Variants in TCERG1L observed in about 807,000 individuals in gnomAD.
The protein encoded by TCERG1L is transcription elongation regulator 1 like.
In TCERG1L, 37 loss-of-function variants were observed where a neutral mutation model predicts 56.3. The ratio of observed to expected loss-of-function variants is 0.66; its 90% CI spans 0.51 to 0.87. The LOEUF (loss-of-function observed/expected upper bound fraction) is 0.87, where lower values mean the gene tolerates loss of function less well. Among genes scored for constraint, TCERG1L ranks in the 40% least tolerant of loss-of-function variants. The probability of loss-of-function intolerance (pLI) is 0.00; values close to 1 mark genes in which losing one functional copy is unlikely to be tolerated. For missense variants in TCERG1L, 799 were observed against 774.2 expected (o/e 1.03, Z -0.38); for synonymous variants, 324 against 326.3 (o/e 0.99, Z 0.08).
chr10:131,108,138 G>C (rs1270507190), intron 9 of TCERG1L, among the ~76,000 whole-genome samples: 3 of 152,158 alleles, frequency 2.0e-5, no homozygotes, highest in Admixed American at 1.3e-4. Flanking sequence ...GACAAAACCG[G>C]CTCTCCCTGT....
chr10:131,245,200 G>A (rs528849737), intron 4 of TCERG1L, among the ~76,000 whole-genome samples: 28 of 152,180 alleles, frequency 1.8e-4, no homozygotes, highest in Non-Finnish European at 3.4e-4. Flanking sequence ...AGGGCACTGT[G>A]ACCCCAACAC....
Position 131,146,506 on chromosome 10 carries a change from T to C in TCERG1L, c.1189A>G (p.Thr397Ala), listed in dbSNP as rs114685046. ...PHKRKLEAPA[T>A]DNSDGSSSED... ...TGTAAATAACCCAGGGCTTAGTTAC[T>C]TGCTGGTGCCTCCAGCTTGCGTTTG... Residue 397 changes from threonine (T) to alanine (A), a missense_variant and splice_region_variant, in exon 7 of 12, where the codon ACT becomes GCT. Transcript: ENST00000368642. 7.9e-5 allele frequency: 127 copies of C among 1,608,052 alleles called. No homozygotes were observed. The highest frequency in any genetic ancestry group is 7.4e-4 in the African/African-American group (55 of 74,818).
At chr10:131,207,812 G>C (rs1318777144) in intron 4 of TCERG1L, among the ~76,000 whole-genome samples, 3 of 152,148 alleles carry the variant, frequency 2.0e-5, no homozygotes, top group Non-Finnish European at 4.4e-5. Context: ...ATACCGAGCG[G>C]GTGGTCCCTG....
intron 9 of TCERG1L, 60 bp from the exon 10 acceptor site, chr10:131,104,414 C>A: frequency 9.0e-7 from 1 of 1,109,056 alleles, no homozygotes; most frequent in Non-Finnish European, 1.3e-6. Context: ...TGAAGCCGCC[C>A]TGAAATGATC....
At position 131,291,310 on chromosome 10, in the gene TCERG1L, C is replaced by A. The variant is rs983967060; in HGVS notation, c.670+16901G>T. On this transcript the variant is annotated intron_variant, in intron 3 of 11. Coordinates refer to ENST00000368642, the MANE Select transcript of TCERG1L (RefSeq NM_174937.4). ...AGAATAATTTTAATCCCATATATTTCATATATATCTGTCTGGGATCCTATA... is the reference window on the plus strand; with the variant it reads ...AGAATAATTTTAATCCCATATATTTAATATATATCTGTCTGGGATCCTATA... Among the ~76,000 whole-genome samples the A allele has an allele frequency of 2.1e-5, 3 of 140,496 alleles. No individual in the cohort carries two copies. The Admixed American group carries it at 2.2e-4, about 10-fold the overall frequency. The allele number at this position is 140,496 out of a possible 152,430, so 92.2% of individuals were successfully genotyped here. A position where few individuals can be genotyped will look rare whatever the true frequency, so the allele number is the denominator to read the frequency against.
At chr10:131,139,688 G>A (rs1009699346) in intron 7 of TCERG1L, among the ~76,000 whole-genome samples, 6 of 111,002 alleles carry the variant, frequency 5.4e-5, no homozygotes, top group Admixed American at 2.5e-4. Context: ...GTGTGTGTGT[G>A]TCTGTGTGTG....
At chr10:131,134,720 G>A (rs905071329) in intron 7 of TCERG1L, among the ~76,000 whole-genome samples, 2 of 152,184 alleles carry the variant, frequency 1.3e-5, no homozygotes, top group Non-Finnish European at 2.9e-5. Context: ...GGGCTGGGGG[G>A]TGGAGAATTA....
chr10:131,227,829 G>A (rs1442946067), intron 4 of TCERG1L, among the ~76,000 whole-genome samples: 1 of 142,040 alleles, frequency 7.0e-6, no homozygotes, highest in Non-Finnish European at 1.5e-5. Flanking sequence ...AAACAGGAAA[G>A]GGAACCCCTT....
At chr10:131,255,386 C>T (rs2944505) in intron 4 of TCERG1L, among the ~76,000 whole-genome samples, 33,879 of 152,152 alleles carry the variant, frequency 0.22, 5,076 homozygotes, top group African/African-American at 0.43. Flanking sequence ...AAGTATGCAA[C>T]ATATTGTCTA....
rs566831194 is a variant in TCERG1L, at chr10:131,296,910, T to C, written c.670+11301A>G. 3.3e-5 allele frequency among the ~76,000 whole-genome samples: 5 copies of C among 152,350 alleles called. No homozygotes were observed. The East Asian group carries it at 9.6e-4, about 29-fold the overall frequency. On this transcript the variant is annotated intron_variant, in intron 3 of 11. Transcript: ENST00000368642. The stretch of plus-strand genomic sequence containing the variant: ...TTGTTTATTACCAGTAATACAGGGG[T>C]ACAATTGAATTTTGTACATTGACCT...
At position 131,260,319 on chromosome 10, in the gene TCERG1L, G is replaced by A. The variant is rs750351933; in HGVS notation, c.796C>T (p.Pro266Ser). 6.9e-7 allele frequency: 1 copy of A among 1,455,914 alleles called. No homozygotes were observed. Among genetic ancestry groups the A allele is most frequent in the Non-Finnish European group, 9.0e-7 (1 of 1,106,454 alleles). 90.2% of individuals were successfully genotyped at this position (1,455,914 alleles called of 1,614,324 possible). The stretch of plus-strand genomic sequence containing the variant: ...GGTGCCAAGGTCAGGAAGTGGCGCG[G>A]CTGCACGCTGGAGGGGGACGGGCCC... ...LRGPSPSSVQ[P>S]RHFLTLAPIK... The change falls in exon 4 of 12, where the codon CCG (proline) becomes TCG (serine). Residue 266 changes from proline (P) to serine (S), a missense_variant. Pro to Ser is a moderately conservative substitution (Grantham distance 74, BLOSUM62 -1). Coordinates refer to ENST00000368642, the MANE Select transcript of TCERG1L (RefSeq NM_174937.4). This position sits in a 1 kb window ranked among gnomAD's most constrained non-coding sequence, Gnocchi z 5.8.
intron 4 of TCERG1L, among the ~76,000 whole-genome samples, chr10:131,189,225 T>C (rs1368631575): frequency 6.6e-6 from 1 of 152,244 alleles, no homozygotes; most frequent in Non-Finnish European, 1.5e-5. Flanking sequence ...TGCAATTTTA[T>C]GACATGCATA....
intron 10 of TCERG1L, 26 bp from the exon 11 acceptor site, chr10:131,098,450 ACAT>A (rs1178024285): frequency 6.5e-7 from 1 of 1,526,726 alleles, no homozygotes; most frequent in Admixed American, 2.2e-5. Flanking sequence ...CAGAAGAAAA[ACAT>A]CATGAAATTG....
intron 3 of TCERG1L, among the ~76,000 whole-genome samples, chr10:131,276,728 G>C (rs929612998): frequency 1.3e-5 from 2 of 152,186 alleles, no homozygotes; most frequent in African/African-American, 2.4e-5. Flanking sequence ...CCACCTGCCA[G>C]GGTGGGTTCT....
In TCERG1L at chr10:131,228,233, G is replaced by C. The variant is rs943747196; in HGVS notation, c.856+32026C>G. Among the ~76,000 whole-genome samples the C allele has an allele frequency of 3.9e-5, 5 of 127,800 alleles. No individual in the cohort carries two copies. In the East Asian group the frequency reaches 7.5e-4, roughly 19 times the overall value. The allele number at this position is 127,800 out of a possible 152,430, so 83.8% of individuals were successfully genotyped here. ...AGACAGGCATTTCCTCAAGGCCTCC[G>C]GAGTCTCCCCTCCAGACAGGCATTT... On this transcript the variant is annotated intron_variant, in intron 4 of 11. Coordinates refer to ENST00000368642, the MANE Select transcript of TCERG1L (RefSeq NM_174937.4).
At position 131,112,074 on chromosome 10, in the gene TCERG1L, C is replaced by G. The variant is rs1845417942; in HGVS notation, c.1395+4725G>C. Among the ~76,000 whole-genome samples the G allele has an allele frequency of 1.4e-5, 2 of 142,822 alleles. 1 individual carries two copies. The highest frequency in any genetic ancestry group is 4.9e-5 in the African/African-American group (2 of 40,524). The allele number at this position is 142,822 out of a possible 152,430, so 93.7% of individuals were successfully genotyped here. On this transcript the variant is annotated intron_variant, in intron 9 of 11. Transcript: ENST00000368642. ...CAGGAAAATTGACCAAAGGCCTCCG[C>G]TGGGGCTGTAGAAGTTCAAGACCCC...
At chr10:131,145,666 T>G (rs1455767395) in intron 7 of TCERG1L, among the ~76,000 whole-genome samples, 1 of 152,196 alleles carries the variant, frequency 6.6e-6, no homozygotes, top group Non-Finnish European at 1.5e-5. Flanking sequence ...TAGCCCTCAA[T>G]GACGTGAAAT....
chr10:131,284,020 G>A (rs1318838951), intron 3 of TCERG1L, among the ~76,000 whole-genome samples: 1 of 151,912 alleles, frequency 6.6e-6, no homozygotes, highest in Non-Finnish European at 1.5e-5. Flanking sequence ...CTACTTGGGA[G>A]GCTGAGGCAG....
chr10:131,304,231 G>A (rs1846796983), intron 3 of TCERG1L, among the ~76,000 whole-genome samples: 1 of 151,972 alleles, frequency 6.6e-6, no homozygotes, highest in Non-Finnish European at 1.5e-5. Flanking sequence ...GCCTTTGCTG[G>A]AAAGAAGCTG....
Sources: gnomAD v4.1 joint callset for allele counts (sites outside exome capture counted in the v4.1 genomes callset) on GRCh38, gnomAD v4.1.1 for gene constraint, Gnocchi (gnomAD v3.1) non-coding constraint, MANE v1.5 for transcripts, NCBI Gene and HGNC (gene_info 2026-07-23, HGNC 2026-07-21) for gene names.